The following MIR2052HG variants were observed in gnomAD, a reference collection of about 807,000 sequenced individuals.
The protein encoded by MIR2052HG is MIR2052 host gene.
intron 4 of MIR2052HG, among the ~76,000 whole-genome samples, chr8:74,706,215 T>C (rs1809408885): frequency 6.6e-6 from 1 of 152,088 alleles, no homozygotes; most frequent in Non-Finnish European, 1.5e-5. Context: ...GGGTGGGCAA[T>C]GGACATGACC....
intron 4 of MIR2052HG, among the ~76,000 whole-genome samples, chr8:74,712,647 T>A (rs1303291173): frequency 6.6e-6 from 1 of 151,730 alleles, no homozygotes; most frequent in Non-Finnish European, 1.5e-5. Context: ...TATTACAACT[T>A]GGCTACTGCT....
chr8:74,695,507 T>C (rs1226144302), intron 2 of MIR2052HG, among the ~76,000 whole-genome samples: 1 of 152,128 alleles, frequency 6.6e-6, no homozygotes, highest in African/African-American at 2.4e-5. Context: ...ACTTAAAGGA[T>C]GCAGAATGGC....
intron 2 of MIR2052HG, among the ~76,000 whole-genome samples, chr8:74,637,585 A>G (rs1001497515): frequency 8.5e-5 from 13 of 152,168 alleles, no homozygotes; most frequent in Admixed American, 2.0e-4. Context: ...AAGGAAATAT[A>G]AATAGCACAC....
At chr8:74,655,306 C>G (rs933947870) in intron 2 of MIR2052HG, among the ~76,000 whole-genome samples, 1 of 152,158 alleles carries the variant, frequency 6.6e-6, no homozygotes, top group African/African-American at 2.4e-5. Context: ...TGTTAATCCA[C>G]AAGACAATGG....
intron 2 of MIR2052HG, among the ~76,000 whole-genome samples, chr8:74,682,159 A>G (rs1269828980): frequency 6.6e-6 from 1 of 152,204 alleles, no homozygotes; most frequent in East Asian, 1.9e-4. Context: ...TATATAAAAA[A>G]TGCAGTTGAA....
chr8:74,662,484 A>G (rs1808875961), intron 2 of MIR2052HG, among the ~76,000 whole-genome samples: 1 of 152,118 alleles, frequency 6.6e-6, no homozygotes, highest in Non-Finnish European at 1.5e-5. Context: ...TACCTAGTGC[A>G]TGCGGGGCTT....
chr8:74,693,820 G>T (rs958061816), intron 2 of MIR2052HG, among the ~76,000 whole-genome samples: 5 of 151,974 alleles, frequency 3.3e-5, no homozygotes, highest in Non-Finnish European at 7.4e-5. Context: ...CCCACCCAAG[G>T]AAAGTCTGAG....
intron 2 of MIR2052HG, among the ~76,000 whole-genome samples, chr8:74,634,428 C>T (rs1002583468): frequency 6.6e-6 from 1 of 152,114 alleles, no homozygotes; most frequent in African/African-American, 2.4e-5. Context: ...GATTATAACC[C>T]GTCACCTGTA....
At chr8:74,617,794 G>A (rs764202470) in intron 2 of MIR2052HG, among the ~76,000 whole-genome samples, 3 of 152,150 alleles carry the variant, frequency 2.0e-5, no homozygotes, top group Non-Finnish European at 2.9e-5. Context: ...GTGTTCCACA[G>A]AGGTTGTACT....
intron 2 of MIR2052HG, among the ~76,000 whole-genome samples, chr8:74,644,920 A>G (rs1200880729): frequency 6.6e-6 from 1 of 152,110 alleles, no homozygotes; most frequent in Non-Finnish European, 1.5e-5. Context: ...ATAAAAAATA[A>G]AAAACAAAAG....
At chr8:74,654,769 C>T (rs1424473955) in intron 2 of MIR2052HG, among the ~76,000 whole-genome samples, 1 of 151,968 alleles carries the variant, frequency 6.6e-6, no homozygotes, top group African/African-American at 2.4e-5. Flanking sequence ...GTAGGGTGTT[C>T]CTGAGAAGAT....
At chr8:74,692,447 G>C (rs1809249182) in intron 2 of MIR2052HG, among the ~76,000 whole-genome samples, 1 of 152,182 alleles carries the variant, frequency 6.6e-6, no homozygotes, top group African/African-American at 2.4e-5. Context: ...CAAAGAGAAT[G>C]TCACTGGTGA....
At chr8:74,626,852 A>G (rs1808443808) in intron 2 of MIR2052HG, among the ~76,000 whole-genome samples, 1 of 152,252 alleles carries the variant, frequency 6.6e-6, no homozygotes, top group African/African-American at 2.4e-5. Context: ...CCTTTTACAA[A>G]TGCAGACCAG....
chr8:74,674,500 T>C (rs1054576107), intron 2 of MIR2052HG, among the ~76,000 whole-genome samples: 1 of 151,984 alleles, frequency 6.6e-6, no homozygotes, highest in Non-Finnish European at 1.5e-5. Context: ...AAGACGTACA[T>C]TTCTACTAAC....
intron 4 of MIR2052HG, among the ~76,000 whole-genome samples, chr8:74,737,646 T>A (rs188424656): frequency 7.2e-5 from 11 of 152,300 alleles, no homozygotes; most frequent in African/African-American, 2.6e-4. Context: ...GCTCAAATTC[T>A]TGTAGAGAGT....
intron 2 of MIR2052HG, among the ~76,000 whole-genome samples, chr8:74,613,359 T>C (rs1173674564): frequency 1.3e-5 from 2 of 152,184 alleles, no homozygotes; most frequent in Non-Finnish European, 2.9e-5. Context: ...AGAACAGCTA[T>C]ACCATTTGCA....
At chr8:74,688,544 G>A (rs929719543) in intron 2 of MIR2052HG, among the ~76,000 whole-genome samples, 1 of 152,164 alleles carries the variant, frequency 6.6e-6, no homozygotes, top group African/African-American at 2.4e-5. Flanking sequence ...TATGGTCATT[G>A]GTTTTTCTTC....
chr8:74,604,348 A>T, intron 1 of MIR2052HG: 2 of 331,390 alleles, frequency 6.0e-6, no homozygotes, highest in Non-Finnish European at 1.2e-5. Flanking sequence ...TGAGGGGAAA[A>T]GGGGAATGGG....
At chr8:74,755,880 C>A (rs1809994752) in intron 5 of MIR2052HG, among the ~76,000 whole-genome samples, 1 of 152,060 alleles carries the variant, frequency 6.6e-6, no homozygotes, top group South Asian at 2.1e-4. Flanking sequence ...CTGATCTGAG[C>A]CCCTAGTCCA....
Sources: gnomAD v4.1 joint callset for allele counts (sites outside exome capture counted in the v4.1 genomes callset) on GRCh38, gnomAD v4.1.1 for gene constraint, MANE v1.5 for transcripts, NCBI Gene and HGNC (gene_info 2026-07-23, HGNC 2026-07-21) for gene names.